ASIC2: variants seen among roughly 807,000 people sequenced by gnomAD.
ASIC2 encodes the protein acid sensing ion channel subunit 2.
Under a neutral mutation model 57.3 loss-of-function variants are expected in ASIC2, and 25 were observed. The observed-to-expected ratio is 0.44, with a 90% CI of 0.32 to 0.61. The LOEUF (loss-of-function observed/expected upper bound fraction) is 0.61, where lower values mean the gene tolerates loss of function less well. Among genes scored for constraint, ASIC2 ranks in the 20% least tolerant of loss-of-function variants. The pLI is 0.06. For synonymous variants in ASIC2, 319 were observed against 307.5 expected, an observed-to-expected ratio of 1.04 and a Z score of -0.39; for missense variants, 641 against 738.1, an observed-to-expected ratio of 0.87 and a Z score of 1.52.
At chr17:33,753,862 A>G (rs1910508622) in intron 1 of ASIC2, among the ~76,000 whole-genome samples, 1 of 152,180 alleles carries the variant, frequency 6.6e-6, no homozygotes. Flanking sequence ...TTCTCAGGCC[A>G]TATTTAGGTC....
intron 1 of ASIC2, among the ~76,000 whole-genome samples, chr17:34,085,015 T>C (rs1435560932): frequency 1.3e-5 from 2 of 152,210 alleles, no homozygotes; most frequent in Non-Finnish European, 2.9e-5. Context: ...CTTTTCCTAA[T>C]TGAATACCCT....
chr17:33,423,891 A>C (rs971767602), intron 1 of ASIC2, among the ~76,000 whole-genome samples: 2 of 152,218 alleles, frequency 1.3e-5, no homozygotes, highest in Non-Finnish European at 2.9e-5. Context: ...GGATGCTTAG[A>C]GGACTTCCTC....
At chr17:33,345,944 G>T (rs1444085277) in intron 1 of ASIC2, among the ~76,000 whole-genome samples, 1 of 151,996 alleles carries the variant, frequency 6.6e-6, no homozygotes, top group African/African-American at 2.4e-5. Flanking sequence ...GAAACAAGGA[G>T]GCCAGGCGTG....
chr17:33,253,790 T>C (rs1908964394), intron 1 of ASIC2, among the ~76,000 whole-genome samples: 1 of 152,158 alleles, frequency 6.6e-6, no homozygotes, highest in Non-Finnish European at 1.5e-5. Context: ...GAGCCTTGGA[T>C]TTTCCAAGTA....
At chr17:33,177,318 C>T (rs1905800221) in intron 1 of ASIC2, among the ~76,000 whole-genome samples, 1 of 152,182 alleles carries the variant, frequency 6.6e-6, no homozygotes, top group Admixed American at 6.5e-5. Flanking sequence ...TAAAGAGGAG[C>T]TCCTATATTA....
chr17:33,646,021 C>T (rs535764876), intron 1 of ASIC2, among the ~76,000 whole-genome samples: 38 of 152,252 alleles, frequency 2.5e-4, no homozygotes, highest in Non-Finnish European at 4.3e-4. Context: ...CACAGTAGAG[C>T]TGGGATCCAA....
At chr17:33,584,890 A>G (rs949583612) in intron 1 of ASIC2, among the ~76,000 whole-genome samples, 1 of 152,116 alleles carries the variant, frequency 6.6e-6, no homozygotes, top group African/African-American at 2.4e-5. Context: ...AAAGACAAAG[A>G]CAGGGCAGAG....
chr17:33,707,312 A>G (rs1908892875), intron 1 of ASIC2, among the ~76,000 whole-genome samples: 1 of 152,094 alleles, frequency 6.6e-6, no homozygotes, highest in Non-Finnish European at 1.5e-5. Flanking sequence ...GCTCTTGTAT[A>G]ATTTTCTCAA....
At chr17:33,537,130 C>G (rs1272956301) in intron 1 of ASIC2, among the ~76,000 whole-genome samples, 2 of 152,170 alleles carry the variant, frequency 1.3e-5, no homozygotes, top group African/African-American at 4.8e-5. Context: ...CAGAACTTTA[C>G]ACATCTGGCA....
chr17:33,716,241 A>G (rs1161068380), intron 1 of ASIC2, among the ~76,000 whole-genome samples: 1 of 152,178 alleles, frequency 6.6e-6, no homozygotes, highest in African/African-American at 2.4e-5. Context: ...TCACAAACAA[A>G]TCTGATCATG....
At chr17:33,338,633 CT>C (rs1448358950) in intron 1 of ASIC2, among the ~76,000 whole-genome samples, 1 of 152,154 alleles carries the variant, frequency 6.6e-6, no homozygotes, top group Non-Finnish European at 1.5e-5. Context: ...AAAAAATTGT[CT>C]TTTGGGGTAA....
chr17:34,151,120 A>AAT (rs1555535978), intron 1 of ASIC2, among the ~76,000 whole-genome samples: 3 of 149,060 alleles, frequency 2.0e-5, no homozygotes, highest in East Asian at 1.9e-4. Flanking sequence ...AAAAAAAAAA[A>AAT]AAAAATAAAG....
intron 1 of ASIC2, among the ~76,000 whole-genome samples, chr17:33,671,751 A>G (rs60869276): frequency 0.02 from 2,980 of 152,286 alleles, 114 homozygotes; most frequent in African/African-American, 0.069. Context: ...CAGTGTCTCT[A>G]TGGCCTGGTC....
chr17:33,538,307 G>C (rs1436493511), intron 1 of ASIC2, among the ~76,000 whole-genome samples: 1 of 152,148 alleles, frequency 6.6e-6, no homozygotes, highest in East Asian at 1.9e-4. Context: ...AGTTGGGATG[G>C]CTAATGAGAA....
In ASIC2 at chr17:33,292,929, G is replaced by A. The variant is rs1905562824; in HGVS notation, c.-814C>T. ...CCTGCGGGAGGCTGTTCGCCGCCGG[G>A]GTCCTTCAAGGATGCTAGCCGCAGG... On this transcript the variant is annotated 5_prime_UTR_variant, in exon 1 of 10. Transcript: ENST00000225823. 1 of 985,544 alleles carries A rather than the reference G, an allele frequency of 1.0e-6. No homozygotes were observed. The highest frequency in any genetic ancestry group is 1.2e-6 in the Non-Finnish European group (1 of 830,000). The allele number at this position is 985,544 out of a possible 1,614,324, so 61.0% of individuals were successfully genotyped here.
At chr17:33,258,261 A>G (rs1357562339) in intron 1 of ASIC2, among the ~76,000 whole-genome samples, 1 of 152,182 alleles carries the variant, frequency 6.6e-6, no homozygotes, top group Non-Finnish European at 1.5e-5. Context: ...CGTTGGGGAT[A>G]TGGGGTCAAG....
rs180847040 is a variant in ASIC2 at position 34,106,081 on chromosome 17, T to C, written c.555+49897A>G. Among the ~76,000 whole-genome samples, 112 of 152,216 alleles carry C rather than the reference T, an allele frequency of 7.4e-4. 1 individual carries two copies. The highest frequency in any genetic ancestry group is 8.1e-4 in the Non-Finnish European group (55 of 67,940). ...TTCCACAGTCTTTCCTTATCTTTTATGACAATAACATTTTTGAAAAATACA... is the reference window on the plus strand; with the variant it reads ...TTCCACAGTCTTTCCTTATCTTTTACGACAATAACATTTTTGAAAAATACA... On this transcript the variant is annotated intron_variant, in intron 1 of 9. Coordinates refer to the ASIC2 transcript ENST00000359872.
intron 1 of ASIC2, chr17:34,041,197 T>C (rs1908118178): frequency 6.6e-6 from 1 of 152,066 alleles, no homozygotes; most frequent in African/African-American, 2.4e-5. Flanking sequence ...AACACAAGAG[T>C]TGAACTTGGG....
chr17:33,441,429 T>C (rs556597733), intron 1 of ASIC2, among the ~76,000 whole-genome samples: 1 of 152,364 alleles, frequency 6.6e-6, no homozygotes, highest in Admixed American at 6.5e-5. Context: ...AAATATTTCA[T>C]AGTTTTAGTT....
Sources: allele counts gnomAD v4.1 joint callset (sites outside exome capture counted in the v4.1 genomes callset), GRCh38; gene constraint gnomAD v4.1.1; transcripts MANE v1.5; gene names NCBI Gene and HGNC (gene_info 2026-07-23, HGNC 2026-07-21).